Variants in RPL38 observed in about 807,000 individuals in gnomAD.
RPL38 encodes the protein ribosomal protein L38, also known as large ribosomal subunit protein eL38.
Under a neutral mutation model 12.8 loss-of-function variants are expected in RPL38, and 2 were observed. The observed-to-expected ratio is 0.16, with a 90% CI of 0.06 to 0.49. The LOEUF (loss-of-function observed/expected upper bound fraction) is 0.49. Among genes scored for constraint, RPL38 ranks in the 20% least tolerant of loss-of-function variants. The probability of loss-of-function intolerance (pLI) is 0.96; values close to 1 mark genes in which losing one functional copy is unlikely to be tolerated. For missense variants in RPL38, 52 were observed against 79.8 expected, an observed-to-expected ratio of 0.65 and a Z score of 1.33; for synonymous variants, 42 against 30.1, an observed-to-expected ratio of 1.39 and a Z score of -1.29.
Position 74,210,111 on chromosome 17 carries a change from C to A in RPL38, c.*282C>A. ...CAAGCGACTGTCCTGCCTCAGCCTCCCGAGTGGCTGGGATTACAGGCACAC... is the reference window on the plus strand; with the variant it reads ...CAAGCGACTGTCCTGCCTCAGCCTCACGAGTGGCTGGGATTACAGGCACAC... On this transcript the variant is annotated 3_prime_UTR_variant, in exon 5 of 5. Transcript: ENST00000311111. 1 of 338,966 alleles carries A rather than the reference C, an allele frequency of 3.0e-6. No homozygotes were observed. Among genetic ancestry groups the A allele is most frequent in the Non-Finnish European group, 5.4e-6 (1 of 185,422 alleles). 21.0% of individuals were successfully genotyped at this position (338,966 alleles called of 1,614,324 possible).
chr17:74,203,796 C>T lies in RPL38; in HGVS notation c.-39+51C>T, dbSNP rs557861546. On this transcript the variant is annotated intron_variant, in intron 1 of 4. Transcript: ENST00000311111. ...GTGAAATCTGGGGACCCCAGGTCCG[C>T]GTGGAGGGTGTCGGGGAGGAGAAGG... 6.0e-4 allele frequency: 538 copies of T among 894,200 alleles called. 1 individual carries two copies. The highest frequency in any genetic ancestry group is 1.4e-3 in the Admixed American group (50 of 34,600). The allele number at this position is 894,200 out of a possible 1,614,324, so 55.4% of individuals were successfully genotyped here.
In RPL38 at chr17:74,209,923, T is replaced by C. The variant is rs1598207288; in HGVS notation, c.*94T>C. Reference sequence around the variant, plus strand: ...GGATGGGAAAGGGAAAAATGCTACCTCGTAGTGGCTTCTGATGGGAACAGG... The same window carrying C: ...GGATGGGAAAGGGAAAAATGCTACCCCGTAGTGGCTTCTGATGGGAACAGG... On this transcript the variant is annotated 3_prime_UTR_variant, in exon 5 of 5. Coordinates refer to ENST00000311111, the MANE Select transcript of RPL38 (RefSeq NM_000999.4). 13 of 1,006,064 alleles carry C rather than the reference T, an allele frequency of 1.3e-5. No homozygotes were observed. The East Asian group carries it at 1.9e-4, about 15-fold the overall frequency. The allele number at this position is 1,006,064 out of a possible 1,614,324, so 62.3% of individuals were successfully genotyped here.
At chr17:74,209,484 A>C in intron 4 of RPL38, 175 bp downstream of exon 4, 2 of 730,398 alleles carry the variant, frequency 2.7e-6, no homozygotes, top group Non-Finnish European at 4.4e-6. Flanking sequence ...GATTATATAC[A>C]GTACCAGAAA....
At chr17:74,205,102 G>A (rs1207410197) in intron 3 of RPL38, 1 of 152,228 alleles carries the variant, frequency 6.6e-6, no homozygotes, top group Non-Finnish European at 1.5e-5. Context: ...ACATACAGGG[G>A]AAAGAAGGTG....
chr17:74,208,887 G>C (rs1462266926), intron 3 of RPL38, among the ~76,000 whole-genome samples: 1 of 152,182 alleles, frequency 6.6e-6, no homozygotes, highest in East Asian at 1.9e-4. Context: ...AGGGAGCCAA[G>C]ATTGCGCCAC....
chr17:74,205,131 ACAG>A (rs1350547525), intron 3 of RPL38: 11 of 152,222 alleles, frequency 7.2e-5, no homozygotes, highest in African/African-American at 2.4e-5. Flanking sequence ...AAAACCTTAA[ACAG>A]CAGGTTTTCG....
At chr17:74,207,620 A>G (rs1401762881) in intron 3 of RPL38, among the ~76,000 whole-genome samples, 1 of 151,364 alleles carries the variant, frequency 6.6e-6, no homozygotes, top group Non-Finnish European at 1.5e-5. Context: ...TCTGCCTCCC[A>G]TGTTCTCCTG....
intron 1 of RPL38, 30 bp from the exon 2 acceptor site, chr17:74,203,888 C>A (rs56279928): frequency 8.4e-6 from 13 of 1,541,252 alleles, no homozygotes; most frequent in Non-Finnish European, 1.1e-5. Flanking sequence ...GCCCCCGCGC[C>A]GTGTTAACGC....
At chr17:74,204,664 G>C (rs1407142807) in intron 3 of RPL38, 1 of 164,052 alleles carries the variant, frequency 6.1e-6, no homozygotes, top group Non-Finnish European at 1.3e-5. Context: ...GCCAGTGTCA[G>C]AAGGTATCAT....
rs2050088349 is a variant in RPL38, at chr17:74,204,138, A to G, written c.12A>G (p.Lys4=). Residue 4 remains lysine (K), a synonymous_variant, in exon 3 of 5, where the codon AAA becomes AAG. Coordinates refer to ENST00000311111, the MANE Select transcript of RPL38 (RefSeq NM_000999.4). The stretch of plus-strand genomic sequence containing the variant: ...CTTCCTTTGTGTTGCAGCCTCGGAA[A>G]ATTGAGGAAATCAAGGACTTCCTGC... MPR[K]IEEIKDFLLT... is the part of the protein sequence containing the mutation. 6.2e-7 allele frequency: 1 copy of G among 1,614,012 alleles called. No individual in the cohort carries two copies. Among genetic ancestry groups the G allele is most frequent in the African/African-American group, 1.3e-5 (1 of 74,912 alleles).
chr17:74,203,874 GCCAGCC>G, intron 1 of RPL38, 38 bp from the exon 2 acceptor site: 3 of 1,497,374 alleles, frequency 2.0e-6, no homozygotes, highest in Non-Finnish European at 2.7e-6. Context: ...GGGGTTCGCT[GCCAGCC>G]CCCGCGCCGT....
At chr17:74,204,272 C>A in intron 3 of RPL38, 82 bp downstream of exon 3, 3 of 1,315,918 alleles carry the variant, frequency 2.3e-6, no homozygotes, top group Non-Finnish European at 2.2e-6. Flanking sequence ...GAATGTCAGG[C>A]AGGAGACGGT....
intron 3 of RPL38, among the ~76,000 whole-genome samples, chr17:74,208,835 C>CT (rs2050139077): frequency 1.3e-5 from 2 of 152,228 alleles, no homozygotes; most frequent in South Asian, 4.1e-4. Flanking sequence ...CTCCAGGAGG[C>CT]TTAGGCAGGA....
intron 3 of RPL38, chr17:74,204,570 A>G (rs1442452695): frequency 6.9e-6 from 2 of 290,058 alleles, no homozygotes; most frequent in African/African-American, 2.2e-5. Flanking sequence ...ATTTTGTAAT[A>G]AAGTGCTGGA....
At chr17:74,204,268 C>G (rs1301479765) in intron 3 of RPL38, 78 bp downstream of exon 3, 27 of 1,353,028 alleles carry the variant, frequency 2.0e-5, no homozygotes, top group Non-Finnish European at 2.7e-5. Flanking sequence ...CCCGGAATGT[C>G]AGGCAGGAGA....
Position 74,203,881 on chromosome 17 carries a change from C to T in RPL38, c.-38-37C>T, listed in dbSNP as rs1598203886. The T allele has an allele frequency of 2.6e-6, 4 of 1,525,490 alleles. No homozygotes were observed. In the East Asian group the frequency reaches 9.3e-5, roughly 35 times the overall value. 94.5% of individuals were successfully genotyped at this position (1,525,490 alleles called of 1,614,324 possible). On this transcript the variant is annotated intron_variant, in intron 1 of 4. Transcript: ENST00000311111. The stretch of plus-strand genomic sequence containing the variant: ...GGGAAAACGGGGTTCGCTGCCAGCC[C>T]CCGCGCCGTGTTAACGCCGAGGACT...
Position 74,203,679 on chromosome 17 carries a change from T to A in RPL38, c.-105T>A, listed in dbSNP as rs1027400934. 4 of 508,696 alleles carry A rather than the reference T, an allele frequency of 7.9e-6. No homozygotes were observed. Among genetic ancestry groups the A allele is most frequent in the African/African-American group, 7.7e-5 (4 of 51,892 alleles). 31.5% of individuals were successfully genotyped at this position (508,696 alleles called of 1,614,324 possible). ...CTGCCCGGAAACGGAAGTCTCGTTC[T>A]TTTTCGTCCTTTTCCCCGGTTGCTG... On this transcript the variant is annotated 5_prime_UTR_variant, in exon 1 of 5. Coordinates refer to ENST00000311111, the MANE Select transcript of RPL38 (RefSeq NM_000999.4).
At chr17:74,207,940 G>A (rs1166964362) in intron 3 of RPL38, among the ~76,000 whole-genome samples, 2 of 152,234 alleles carry the variant, frequency 1.3e-5, no homozygotes, top group African/African-American at 4.8e-5. Flanking sequence ...AAGAACGAGA[G>A]TCCAGGCAGC....
intron 4 of RPL38, 50 bp downstream of exon 4, chr17:74,209,359 CTG>C: frequency 1.3e-6 from 2 of 1,599,136 alleles, no homozygotes; most frequent in Non-Finnish European, 1.7e-6. Context: ...TGGAAGGTTG[CTG>C]TGTGTGGCCA....
Sources: allele counts gnomAD v4.1 joint callset (sites outside exome capture counted in the v4.1 genomes callset), GRCh38; gene constraint gnomAD v4.1.1; transcripts MANE v1.5; gene names NCBI Gene and HGNC (gene_info 2026-07-23, HGNC 2026-07-21).